The following RAB27A variants were observed in gnomAD, a reference collection of about 807,000 sequenced individuals.
RAB27A encodes RAB27A, member RAS oncogene family, also known as ras-related protein Rab-27A.
A neutral mutation model predicts 20.8 loss-of-function variants in RAB27A; 17 were observed. The observed-to-expected ratio is 0.82, with a 90% CI of 0.56 to 1.23. RAB27A has a LOEUF of 1.23. RAB27A is among the 50% of genes most tolerant of loss of function. The pLI is 0.00. For synonymous variants in RAB27A, 85 were observed against 92.8 expected (o/e 0.92, Z 0.48); for missense variants, 277 against 266.7 (o/e 1.04, Z -0.27).
At chr15:55,282,902 C>T (rs780557355) in intron 1 of RAB27A, among the ~76,000 whole-genome samples, 42 of 143,692 alleles carry the variant, frequency 2.9e-4, no homozygotes, top group Non-Finnish European at 5.1e-4. Context: ...ATCAGAATCC[C>T]GTGTGGAGAC....
At chr15:55,303,348 G>C (rs2054982667) in intron 2 of RAB27A, among the ~76,000 whole-genome samples, 1 of 94,214 alleles carries the variant, frequency 1.1e-5, no homozygotes, top group African/African-American at 5.2e-5. Flanking sequence ...CCCCGTCTGG[G>C]AGGTGAGGGG....
chr15:55,210,601 A>T (rs1013871627), intron 6 of RAB27A, among the ~76,000 whole-genome samples: 2 of 151,996 alleles, frequency 1.3e-5, no homozygotes, highest in African/African-American at 2.4e-5. Flanking sequence ...TCTTTTGCCT[A>T]TTTTTAAAAC....
At chr15:55,290,886 T>C (rs1033449393), upstream of RAB27A, among the ~76,000 whole-genome samples, 2 of 152,246 alleles carry the variant, frequency 1.3e-5, no homozygotes, top group Non-Finnish European at 2.9e-5. Flanking sequence ...TTCTGCCTTC[T>C]AAGCCGTCTC....
chr15:55,267,316 G>C (rs1897531465), intron 2 of RAB27A, among the ~76,000 whole-genome samples: 1 of 152,148 alleles, frequency 6.6e-6, no homozygotes, highest in Non-Finnish European at 1.5e-5. Flanking sequence ...AAACAAAAAT[G>C]GATGCTCTCA....
At position 55,214,298 on chromosome 15, in the gene RAB27A, T is replaced by C. The variant is rs182842449; in HGVS notation, c.468-8593A>G. Among the ~76,000 whole-genome samples the C allele has an allele frequency of 6.8e-4, 104 of 152,254 alleles. 1 individual carries two copies. In the East Asian group the frequency reaches 0.014, roughly 20 times the overall value. On this transcript the variant is annotated intron_variant, in intron 6 of 6. Transcript: ENST00000336787. ...AAAAATACAAAAAATTAGCCAGGCA[T>C]GGTGGTGGACGCCTGTAGTCCCAGC... is the stretch of plus-strand genomic sequence containing the variant.
At chr15:55,303,590 G>A (rs1251300236) in intron 2 of RAB27A, among the ~76,000 whole-genome samples, 2 of 89,080 alleles carry the variant, frequency 2.2e-5, no homozygotes, top group Admixed American at 1.0e-4. Flanking sequence ...CCGGCCAGCC[G>A]CCCCGTCCGG....
chr15:55,259,072 G>A (rs904628131), intron 2 of RAB27A, among the ~76,000 whole-genome samples: 1 of 152,006 alleles, frequency 6.6e-6, no homozygotes, highest in African/African-American at 2.4e-5. Context: ...CACCTTGGCC[G>A]TCCAAAGTGC....
intron 2 of RAB27A, among the ~76,000 whole-genome samples, chr15:55,312,871 T>C (rs1285095686): frequency 6.6e-6 from 1 of 152,190 alleles, no homozygotes; most frequent in Non-Finnish European, 1.5e-5. Flanking sequence ...GCATGTGACA[T>C]GCTCTAAGAC....
chr15:55,274,508 TG>T (rs148034203), intron 1 of RAB27A, among the ~76,000 whole-genome samples: 15,289 of 151,978 alleles, frequency 0.1, 973 homozygotes, highest in Middle Eastern at 0.16. Context: ...CTGGGTGCGG[TG>T]GTTCATGCCT....
chr15:55,286,730 G>A (rs1898163980), intron 1 of RAB27A, among the ~76,000 whole-genome samples: 1 of 151,846 alleles, frequency 6.6e-6, no homozygotes, highest in Non-Finnish European at 1.5e-5. Flanking sequence ...AGCCACTGGA[G>A]AGTTTCAAGC....
chr15:55,243,506 A>G (rs1460601397), intron 2 of RAB27A, among the ~76,000 whole-genome samples: 4 of 151,752 alleles, frequency 2.6e-5, no homozygotes, highest in African/African-American at 9.7e-5. Flanking sequence ...AATACAAAAA[A>G]TTGGCTGGGC....
rs1182578553 is a variant in RAB27A at position 55,209,850 on chromosome 15, ATG to A, written c.468-4147_468-4146del. On this transcript the variant is annotated intron_variant, in intron 6 of 6. Coordinates refer to ENST00000336787, the MANE Select transcript of RAB27A (RefSeq NM_183235.3). ...TATACATATATGTGTGTACACATAT[ATG>A]TGTGTATATACATATATACATATAT... is the stretch of plus-strand genomic sequence containing the variant. 1.1e-3 allele frequency among the ~76,000 whole-genome samples: 95 copies of A among 89,000 alleles called. 11 individuals carry two copies. The highest frequency in any genetic ancestry group is 4.5e-3 in the Admixed American group (39 of 8,610). The allele number at this position is 89,000 out of a possible 152,430, so 58.4% of individuals were successfully genotyped here.
chr15:55,272,385 T>C (rs996226914), intron 1 of RAB27A, among the ~76,000 whole-genome samples: 6 of 152,038 alleles, frequency 3.9e-5, no homozygotes, highest in African/African-American at 1.4e-4. Context: ...GGTGACAGAG[T>C]GAGACTCCGT....
chr15:55,299,312 G>A (rs1326807233), intron 2 of RAB27A, among the ~76,000 whole-genome samples: 1 of 152,178 alleles, frequency 6.6e-6, no homozygotes, highest in African/African-American at 2.4e-5. Context: ...CCCGCAACAG[G>A]GCCGGCCACG....
In RAB27A at chr15:55,289,769, T is replaced by G. The variant is rs1174443255; in HGVS notation, c.-196A>C. ...CTGGCTCGGGTCCTCGCGCGCCGCG[T>G]CCACCCGCCGCCGGCCTTTTTTGGG... On this transcript the variant is annotated 5_prime_UTR_variant, in exon 1 of 7. Transcript: ENST00000336787. The G allele has an allele frequency of 6.5e-6, 1 of 152,962 alleles. No individual in the cohort carries two copies. Among genetic ancestry groups the G allele is most frequent in the Non-Finnish European group, 1.5e-5 (1 of 68,740 alleles). 9.5% of individuals were successfully genotyped at this position (152,962 alleles called of 1,614,324 possible). A position where few individuals can be genotyped will look rare whatever the true frequency, so the allele number is the denominator to read the frequency against.
intron 1 of RAB27A, among the ~76,000 whole-genome samples, chr15:55,286,819 A>G (rs992400033): frequency 2.0e-5 from 3 of 151,914 alleles, no homozygotes; most frequent in Non-Finnish European, 4.4e-5. Context: ...GAAGCCCTTC[A>G]GAAGGCTTTT....
chr15:55,313,446 AT>A (rs1393452684), intron 2 of RAB27A, among the ~76,000 whole-genome samples: 3 of 152,194 alleles, frequency 2.0e-5, no homozygotes, highest in African/African-American at 7.2e-5. Context: ...ATCATACTAA[AT>A]TGTTAAAGGT....
At chr15:55,304,912 G>A (rs779774476) in intron 2 of RAB27A, among the ~76,000 whole-genome samples, 1 of 152,038 alleles carries the variant, frequency 6.6e-6, no homozygotes, top group South Asian at 2.1e-4. Context: ...GAGTGAAAAC[G>A]GAGCTCCCAT....
At chr15:55,237,149 G>A (rs571705283) in intron 2 of RAB27A, among the ~76,000 whole-genome samples, 22 of 152,226 alleles carry the variant, frequency 1.4e-4, no homozygotes, top group Admixed American at 3.9e-4. Flanking sequence ...GACTCCCGGC[G>A]TTATCCCCTT....
Sources: allele counts gnomAD v4.1 joint callset (sites outside exome capture counted in the v4.1 genomes callset), GRCh38; gene constraint gnomAD v4.1.1; transcripts MANE v1.5; gene names NCBI Gene and HGNC (gene_info 2026-07-23, HGNC 2026-07-21).